The following NCOA7 variants were observed in gnomAD, a reference collection of about 807,000 sequenced individuals.
The protein encoded by NCOA7 is 140 kDa estrogen receptor-associated protein.
A neutral mutation model predicts 104.3 loss-of-function variants in NCOA7; 45 were observed. The ratio of observed to expected loss-of-function variants is 0.43; its 90% CI spans 0.34 to 0.55. The LOEUF is 0.55. Ranked by LOEUF, NCOA7 falls within the 20% of genes least tolerant of loss-of-function variation. The pLI is 0.02. For missense variants in NCOA7, 1,041 were observed against 1,119.7 expected (o/e 0.93, Z 1.00); for synonymous variants, 398 against 402.3 (o/e 0.99, Z 0.13).
intron 10 of NCOA7, among the ~76,000 whole-genome samples, chr6:125,901,277 G>A (rs1366676746): frequency 6.6e-6 from 1 of 152,146 alleles, no homozygotes; most frequent in African/African-American, 2.4e-5. Context: ...TTTAAGTCAA[G>A]TGAGTTTCGG....
intron 1 of NCOA7, among the ~76,000 whole-genome samples, chr6:125,799,577 C>A (rs1473606865): frequency 1.3e-5 from 2 of 151,844 alleles, no homozygotes; most frequent in Non-Finnish European, 2.9e-5. Context: ...ATAGCTGGGA[C>A]TATAGGCATG....
chr6:125,824,147 C>T (rs1266975838), intron 2 of NCOA7, among the ~76,000 whole-genome samples: 1 of 151,950 alleles, frequency 6.6e-6, no homozygotes, highest in Non-Finnish European at 1.5e-5. Flanking sequence ...CCATAAAGTG[C>T]CTGTTCAGTA....
intron 13 of NCOA7, among the ~76,000 whole-genome samples, chr6:125,926,643 AAG>A (rs1254353608): frequency 6.6e-6 from 1 of 152,194 alleles, no homozygotes; most frequent in Admixed American, 6.5e-5. Flanking sequence ...ACTGGTTAGA[AAG>A]AGTTTCTAGC....
intron 2 of NCOA7, among the ~76,000 whole-genome samples, chr6:125,849,256 A>T (rs1780905728): frequency 1.3e-5 from 2 of 152,216 alleles, no homozygotes; most frequent in Admixed American, 1.3e-4. Flanking sequence ...CTGGGCTGGA[A>T]CACTAGTAGG....
chr6:125,915,335 T>C lies in NCOA7; in HGVS notation c.2099T>C (p.Val700Ala). ...EYWFAVPRER[V>A]DHLYTFFVQW... Reference sequence around the variant, plus strand: ...TCTGTCACAAACGTGTTTTTCAGGGTGGATCATTTGTACACATTCTTTGTT... The same window carrying C: ...TCTGTCACAAACGTGTTTTTCAGGGCGGATCATTTGTACACATTCTTTGTT... The change falls in exon 11 of 16, where the codon GTG (valine) becomes GCG (alanine). Residue 700 changes from valine to alanine, a missense_variant and splice_region_variant. Val to Ala is a moderately conservative substitution (Grantham distance 64, BLOSUM62 0). Coordinates refer to ENST00000392477, the MANE Select transcript of NCOA7 (RefSeq NM_181782.5). 6.2e-7 allele frequency: 1 copy of C among 1,613,538 alleles called. No homozygotes were observed. The highest frequency in any genetic ancestry group is 8.5e-7 in the Non-Finnish European group (1 of 1,179,602).
At chr6:125,923,277 G>GA (rs1458160230) in intron 13 of NCOA7, among the ~76,000 whole-genome samples, 1 of 152,186 alleles carries the variant, frequency 6.6e-6, no homozygotes, top group Non-Finnish European at 1.5e-5. Flanking sequence ...CTGCATTTTG[G>GA]ATGTGATGGA....
intron 2 of NCOA7, among the ~76,000 whole-genome samples, chr6:125,829,233 A>G (rs1270384416): frequency 6.6e-6 from 1 of 152,186 alleles, no homozygotes; most frequent in Non-Finnish European, 1.5e-5. Context: ...TATGTCCAAA[A>G]GTATTTGAGC....
At position 125,921,003 on chromosome 6, in the gene NCOA7, G is replaced by A. The variant is rs780531006; in HGVS notation, c.2305G>A (p.Asp769Asn). Residue 769 changes from aspartate (D) to asparagine (N), a missense_variant, in exon 12 of 16, where the codon GAC (aspartate) becomes AAC (asparagine). Physicochemically the swap from Asp to Asn is conservative, Grantham distance 23. This residue lies in a region of NCOA7 where 914 missense variants were observed against 942.7 expected (regional missense o/e 0.97). Transcript: ENST00000392477. ...CACATGCAGCTACTATGAAGACGAGGACGAAGAGGTGCTGCCTGTCCTACG... is the reference window on the plus strand; with the variant it reads ...CACATGCAGCTACTATGAAGACGAGAACGAAGAGGTGCTGCCTGTCCTACG... ...KSTCSYYEDEDEEVLPVLRPH... is the reference protein window; with the variant it reads ...KSTCSYYEDENEEVLPVLRPH... The A allele has an allele frequency of 1.9e-6, 3 of 1,613,832 alleles. No homozygotes were observed. The highest frequency in any genetic ancestry group is 1.6e-4 in the Middle Eastern group (1 of 6,082).
chr6:125,872,791 C>T (rs1783043155), intron 3 of NCOA7, among the ~76,000 whole-genome samples: 1 of 152,174 alleles, frequency 6.6e-6, no homozygotes, highest in South Asian at 2.1e-4. Context: ...TTTTGAATCT[C>T]CTTATCTGGA....
intron 15 of NCOA7, 118 bp from the exon 16 acceptor site, chr6:125,928,517 AG>A: frequency 8.8e-7 from 1 of 1,136,336 alleles, no homozygotes; most frequent in Non-Finnish European, 1.2e-6. Context: ...TGGTTTTATA[AG>A]CAGTTTAGAA....
intron 2 of NCOA7, among the ~76,000 whole-genome samples, chr6:125,853,488 A>G (rs1202330399): frequency 6.6e-6 from 1 of 152,152 alleles, no homozygotes; most frequent in Non-Finnish European, 1.5e-5. Flanking sequence ...GATGGGGAGT[A>G]TATTCATCTA....
At chr6:125,867,018 A>G (rs536202839) in intron 3 of NCOA7, among the ~76,000 whole-genome samples, 3 of 152,342 alleles carry the variant, frequency 2.0e-5, no homozygotes, top group South Asian at 4.1e-4. Flanking sequence ...GAGATTTCCT[A>G]CTTAGGAGTA....
At chr6:125,815,918 C>G (rs1379049931) in intron 2 of NCOA7, among the ~76,000 whole-genome samples, 1 of 152,078 alleles carries the variant, frequency 6.6e-6, no homozygotes, top group Non-Finnish European at 1.5e-5. Flanking sequence ...TTGTTGATAT[C>G]TGAATAGAAG....
At chr6:125,896,571 T>G (rs1445912308) in intron 10 of NCOA7, among the ~76,000 whole-genome samples, 3 of 152,082 alleles carry the variant, frequency 2.0e-5, no homozygotes. Flanking sequence ...GTGGACAGAT[T>G]GCTTGAGCTC....
chr6:125,844,128 A>G (rs910947563), intron 2 of NCOA7, among the ~76,000 whole-genome samples: 23 of 152,194 alleles, frequency 1.5e-4, no homozygotes, highest in Admixed American at 9.2e-4. Flanking sequence ...GGAAAATTGA[A>G]TTGTTGTGGT....
chr6:125,781,222 G>T (rs1305936861), exon 1 of NCOA7: 2 of 152,212 alleles, frequency 1.3e-5, no homozygotes, highest in African/African-American at 4.8e-5. Context: ...GAAAATGTCA[G>T]CCGTTATAGT....
intron 10 of NCOA7, among the ~76,000 whole-genome samples, chr6:125,900,370 T>C (rs1785396774): frequency 6.6e-6 from 1 of 152,272 alleles, no homozygotes. Flanking sequence ...GGCATTGATA[T>C]TAATATAAAC....
Position 125,929,927 on chromosome 6 carries a change from C to T in NCOA7, c.*1156C>T, listed in dbSNP as rs1788364609. ...ATCAAATGAAAAACGTCAAATTGGACCAATTGTCTTGGTTTCTTGATTCAT... is the reference window on the plus strand; with the variant it reads ...ATCAAATGAAAAACGTCAAATTGGATCAATTGTCTTGGTTTCTTGATTCAT... On this transcript the variant is annotated 3_prime_UTR_variant, in exon 16 of 16. Transcript: ENST00000392477. 6.6e-6 allele frequency: 1 copy of T among 151,960 alleles called. No homozygotes were observed. The highest frequency in any genetic ancestry group is 2.4e-5 in the African/African-American group (1 of 41,350). The allele number at this position is 151,960 out of a possible 1,614,324, so 9.4% of individuals were successfully genotyped here.
At chr6:125,898,616 T>G (rs1785239343) in intron 10 of NCOA7, among the ~76,000 whole-genome samples, 1 of 152,154 alleles carries the variant, frequency 6.6e-6, no homozygotes, top group African/African-American at 2.4e-5. Context: ...TATGATAATC[T>G]TCTAAAAAAA....
Sources: gnomAD v4.1 joint callset for allele counts (sites outside exome capture counted in the v4.1 genomes callset) on GRCh38, gnomAD v4.1.1 for gene constraint, gnomAD v4.1.1 regional missense constraint, MANE v1.5 for transcripts, NCBI Gene and HGNC (gene_info 2026-07-23, HGNC 2026-07-21) for gene names.